Variants in CAST observed in about 807,000 individuals in gnomAD.
CAST encodes MIR583 host.
Under a neutral mutation model 119.6 loss-of-function variants are expected in CAST, and 76 were observed. That is an observed-to-expected ratio of 0.64 (90% CI 0.53 to 0.77). The LOEUF (loss-of-function observed/expected upper bound fraction) is 0.77, where lower values mean the gene tolerates loss of function less well. Ranked by LOEUF, CAST falls within the 30% of genes least tolerant of loss-of-function variation. The pLI, the probability that CAST is intolerant of heterozygous loss-of-function variation, is 0.00. For missense variants in CAST, 953 were observed against 946.5 expected (o/e 1.01, Z -0.09); for synonymous variants, 319 against 331.6 (o/e 0.96, Z 0.41).
At chr5:96,597,454 G>A (rs1747072766) in intron 1 of CAST, among the ~76,000 whole-genome samples, 1 of 152,196 alleles carries the variant, frequency 6.6e-6, no homozygotes, top group Non-Finnish European at 1.5e-5. Context: ...TTTCAGGCAG[G>A]ACAAGAAGGC....
chr5:96,465,043 C>T, the CAST span, among the ~76,000 whole-genome samples: 1 of 152,004 alleles, frequency 6.6e-6, no homozygotes, highest in Admixed American at 6.6e-5. Context: ...AATCTGTGAA[C>T]ACAGTATATG....
intron 1 of CAST, among the ~76,000 whole-genome samples, chr5:96,610,212 A>C (rs1346428420): frequency 6.6e-6 from 1 of 152,116 alleles, no homozygotes; most frequent in African/African-American, 2.4e-5. Flanking sequence ...TTTATCTTCC[A>C]CCATGATTGT....
the CAST span, among the ~76,000 whole-genome samples, chr5:96,337,014 C>T: frequency 0.021 from 3,250 of 152,178 alleles, 116 homozygotes; most frequent in African/African-American, 0.074. Context: ...TAGGAGTTTA[C>T]GTTTGATCTT....
At chr5:96,413,221 C>T in the CAST span, among the ~76,000 whole-genome samples, 2 of 152,168 alleles carry the variant, frequency 1.3e-5, no homozygotes, top group African/African-American at 4.8e-5. Context: ...GGATTTCACC[C>T]CCAAGGGGAA....
At chr5:96,627,458 A>G (rs949876723) in intron 1 of CAST, among the ~76,000 whole-genome samples, 46 of 152,214 alleles carry the variant, frequency 3.0e-4, no homozygotes, top group African/African-American at 1.1e-3. Flanking sequence ...GATGTTACAT[A>G]TAACTTTTTC....
the CAST span, among the ~76,000 whole-genome samples, chr5:96,133,294 A>G: frequency 7.5e-5 from 10 of 132,742 alleles, no homozygotes; most frequent in African/African-American, 3.6e-4. Flanking sequence ...ACGCTTTGAG[A>G]AAAAAAAAAA....
intron 1 of CAST, among the ~76,000 whole-genome samples, chr5:96,599,715 C>G (rs747342482): frequency 5.3e-5 from 8 of 152,016 alleles, no homozygotes; most frequent in Non-Finnish European, 1.2e-4. Flanking sequence ...CGCCCCACTA[C>G]CAACTCTGAT....
chr5:96,753,035 C>A (rs1046064927), intron 20 of CAST, among the ~76,000 whole-genome samples: 10 of 151,112 alleles, frequency 6.6e-5, no homozygotes, highest in Non-Finnish European at 1.2e-4. Context: ...GTTCTGTCAT[C>A]CAGGTTGGAC....
the CAST span, chr5:96,432,744 G>C: frequency 2.6e-6 from 2 of 783,306 alleles, no homozygotes; most frequent in Middle Eastern, 3.6e-4. Context: ...GCAGCTCCTT[G>C]CTCTTTGCTA....
chr5:96,384,343 AATT>A, the CAST span, among the ~76,000 whole-genome samples: 1 of 152,202 alleles, frequency 6.6e-6, no homozygotes, highest in Non-Finnish European at 1.5e-5. Context: ...GACAAGATAT[AATT>A]ATTGTTCAAT....
At chr5:96,128,541 C>A in the CAST span, among the ~76,000 whole-genome samples, 1 of 151,674 alleles carries the variant, frequency 6.6e-6, no homozygotes, top group South Asian at 2.1e-4. Flanking sequence ...TTTAACCTTG[C>A]TTTTTAAAAC....
At chr5:96,110,262 G>A in the CAST span, among the ~76,000 whole-genome samples, 3 of 152,228 alleles carry the variant, frequency 2.0e-5, no homozygotes, top group Admixed American at 6.5e-5. Context: ...TTATTTACCC[G>A]TGTGCTTTTC....
At chr5:96,557,328 C>T (rs1746262854) in intron 1 of CAST, among the ~76,000 whole-genome samples, 1 of 152,024 alleles carries the variant, frequency 6.6e-6, no homozygotes, top group South Asian at 2.1e-4. Context: ...CAGCTAACAT[C>T]ATAATGACAG....
intron 1 of CAST, among the ~76,000 whole-genome samples, chr5:96,555,217 C>T (rs962517905): frequency 1.3e-5 from 2 of 152,212 alleles, no homozygotes; most frequent in African/African-American, 2.4e-5. Context: ...GAGTACTATG[C>T]AGCCATAAAA....
the CAST span, among the ~76,000 whole-genome samples, chr5:96,321,805 GT>G: frequency 6.6e-6 from 1 of 152,300 alleles, no homozygotes; most frequent in Non-Finnish European, 1.5e-5. Flanking sequence ...AGATGTCCTG[GT>G]GAGTATATTT....
the CAST span, among the ~76,000 whole-genome samples, chr5:96,414,135 T>C: frequency 7.2e-6 from 1 of 138,980 alleles, no homozygotes; most frequent in Admixed American, 6.9e-5. Flanking sequence ...TGAGACTCTG[T>C]CTAAAAAAAA....
chr5:96,693,156 A>G (rs9314177), intron 2 of CAST, among the ~76,000 whole-genome samples: 88,067 of 152,098 alleles, frequency 0.58, 26,406 homozygotes, highest in Non-Finnish European at 0.66. Flanking sequence ...GTCTCACTTC[A>G]GCTGAACTAC....
chr5:96,168,950 G>T, the CAST span, among the ~76,000 whole-genome samples: 1 of 152,186 alleles, frequency 6.6e-6, no homozygotes, highest in East Asian at 1.9e-4. Context: ...GCCTCTAAAA[G>T]TATTAAGGAG....
chr5:96,237,516 ATTAC>A, the CAST span, among the ~76,000 whole-genome samples: 1 of 152,138 alleles, frequency 6.6e-6, no homozygotes, highest in Admixed American at 6.5e-5. Flanking sequence ...AAAATCACCA[ATTAC>A]TTGGAAAGTT....
Sources: allele counts gnomAD v4.1 joint callset (sites outside exome capture counted in the v4.1 genomes callset), GRCh38; gene constraint gnomAD v4.1.1; transcripts MANE v1.5; gene names NCBI Gene and HGNC (gene_info 2026-07-23, HGNC 2026-07-21).